Variants in PKD2L2 observed in about 807,000 individuals in gnomAD.
PKD2L2 encodes the protein polycystin 2 like 2, transient receptor potential cation channel.
A neutral mutation model predicts 83.9 loss-of-function variants in PKD2L2; 67 were observed. The observed-to-expected ratio is 0.80, with a 90% CI of 0.66 to 0.98. The LOEUF (loss-of-function observed/expected upper bound fraction) is 0.98. Among genes scored for constraint, PKD2L2 ranks in the 50% least tolerant of loss-of-function variants. The probability of loss-of-function intolerance (pLI) is 0.00; values close to 1 mark genes in which losing one functional copy is unlikely to be tolerated. For synonymous variants in PKD2L2, 223 were observed against 237.8 expected (o/e 0.94, Z 0.57); for missense variants, 632 against 717.2 (o/e 0.88, Z 1.36).
rs186387546 is a variant in PKD2L2, at chr5:137,934,994, G to A, written c.1672-803G>A. On this transcript the variant is annotated intron_variant, in intron 12 of 14. Coordinates refer to ENST00000508883, the MANE Select transcript of PKD2L2 (RefSeq NM_001300921.2). ...AGCAACCACAGAGTGTATGGCACTA[G>A]GCATCACCATCCTCTCTGAGGAAGG... Among the ~76,000 whole-genome samples, 4 of 152,300 alleles carry A rather than the reference G, an allele frequency of 2.6e-5. No homozygotes were observed. In the East Asian group the frequency reaches 7.7e-4, roughly 29 times the overall value.
intron 2 of PKD2L2, among the ~76,000 whole-genome samples, chr5:137,891,324 G>C (rs1206129257): frequency 6.6e-6 from 1 of 152,096 alleles, no homozygotes; most frequent in Non-Finnish European, 1.5e-5. Flanking sequence ...AAATTAGCCA[G>C]GTGTGGTGGC....
intron 4 of PKD2L2, among the ~76,000 whole-genome samples, chr5:137,897,828 T>A (rs2150006556): frequency 6.6e-6 from 1 of 152,254 alleles, no homozygotes; most frequent in South Asian, 2.1e-4. Flanking sequence ...GTAGAACAGG[T>A]TTAAGCAGTG....
At chr5:137,895,336 G>A (rs1375864232) in intron 4 of PKD2L2, among the ~76,000 whole-genome samples, 1 of 151,648 alleles carries the variant, frequency 6.6e-6, no homozygotes, top group Non-Finnish European at 1.5e-5. Context: ...GGTGTGGTGG[G>A]GCTTGCTTAC....
chr5:137,925,302 G>A (rs1370903286), intron 11 of PKD2L2, among the ~76,000 whole-genome samples, 198 bp downstream of exon 11: 1 of 152,142 alleles, frequency 6.6e-6, no homozygotes, highest in Admixed American at 6.6e-5. Flanking sequence ...GTGAGCCACC[G>A]TGCCTGGCCA....
intron 13 of PKD2L2, 77 bp from the exon 14 acceptor site, chr5:137,936,243 T>A: frequency 7.6e-7 from 1 of 1,312,672 alleles, no homozygotes. Context: ...TCCCAAAGCA[T>A]TTCGCACTAG....
intron 8 of PKD2L2, among the ~76,000 whole-genome samples, chr5:137,916,523 A>G (rs1370177418): frequency 1.6e-5 from 2 of 125,910 alleles, no homozygotes. Flanking sequence ...GCTTTCACTC[A>G]GGCTGGAGTA....
chr5:137,911,315 A>G (rs1307484290), intron 8 of PKD2L2, among the ~76,000 whole-genome samples: 1 of 152,196 alleles, frequency 6.6e-6, no homozygotes, highest in African/African-American at 2.4e-5. Context: ...TTCCTTAGAA[A>G]GGCTGAATAA....
intron 5 of PKD2L2, 87 bp from the exon 6 acceptor site, chr5:137,906,119 C>A: frequency 2.6e-6 from 2 of 757,872 alleles, no homozygotes; most frequent in Non-Finnish European, 4.5e-6. Flanking sequence ...TTAAAGCATA[C>A]ATAATCATTG....
chr5:137,925,769 G>A, intron 11 of PKD2L2, 106 bp from the exon 12 acceptor site: 1 of 574,340 alleles, frequency 1.7e-6, no homozygotes, highest in Non-Finnish European at 3.1e-6. Context: ...GCATTATCAG[G>A]AAGAAATATT....
chr5:137,921,721 A>C lies in PKD2L2; in HGVS notation c.1414A>C (p.Ile472Leu). The C allele has an allele frequency of 6.2e-7, 1 of 1,608,412 alleles. No homozygotes were observed. The highest frequency in any genetic ancestry group is 8.5e-7 in the Non-Finnish European group (1 of 1,176,006). Residue 472 changes from isoleucine to leucine, a missense_variant, in exon 9 of 15, where the codon ATC becomes CTC. By Grantham distance (5) the Ile-to-Leu change is conservative. Transcript: ENST00000508883. Reference protein sequence around the residue: ...ANPILGPIYFITFIFFVFFVL... With the variant: ...ANPILGPIYFLTFIFFVFFVL... The stretch of plus-strand genomic sequence containing the variant: ...TCCTATCTTGGGACCCATTTACTTC[A>C]TCACTTTCATCTTTTTTGTGTTCTT...
intron 12 of PKD2L2, among the ~76,000 whole-genome samples, chr5:137,929,549 A>AC (rs1381845963): frequency 6.8e-6 from 1 of 148,004 alleles, no homozygotes; most frequent in Non-Finnish European, 1.5e-5. Context: ...AAAAAAAAAA[A>AC]AAAAAAAAAA....
intron 8 of PKD2L2, among the ~76,000 whole-genome samples, chr5:137,914,878 A>G (rs1357374079): frequency 2.6e-5 from 4 of 152,000 alleles, no homozygotes; most frequent in African/African-American, 9.7e-5. Flanking sequence ...CTCTATTAAG[A>G]TAATCATATG....
At chr5:137,917,811 G>T (rs1758518708) in intron 8 of PKD2L2, among the ~76,000 whole-genome samples, 1 of 152,028 alleles carries the variant, frequency 6.6e-6, no homozygotes, top group Admixed American at 6.6e-5. Flanking sequence ...TCCATTGAAT[G>T]GCTCATATTT....
At chr5:137,912,345 C>G (rs932111749) in intron 8 of PKD2L2, among the ~76,000 whole-genome samples, 1 of 152,142 alleles carries the variant, frequency 6.6e-6, no homozygotes, top group Non-Finnish European at 1.5e-5. Context: ...GCCATTCTAA[C>G]AGGTGTGAGG....
In PKD2L2 at chr5:137,923,435, A is replaced by C; in HGVS notation, c.1465A>C (p.Ile489Leu). ...FFVLLNMFLA[I>L]INDTYSEVKA... ...TTATCCCTAGAATATGTTCTTGGCAATTATTAATGATACCTATTCTGAAGT... is the reference window on the plus strand; with the variant it reads ...TTATCCCTAGAATATGTTCTTGGCACTTATTAATGATACCTATTCTGAAGT... Residue 489 changes from isoleucine to leucine, a missense_variant, in exon 10 of 15, where the codon ATT (isoleucine) becomes CTT (leucine). Around this residue, in one of 3 missense-constraint regions of PKD2L2, gnomAD observed 399 missense variants for 416.9 expected, o/e 0.96. Coordinates refer to ENST00000508883, the MANE Select transcript of PKD2L2 (RefSeq NM_001300921.2). 6.8e-7 allele frequency: 1 copy of C among 1,460,390 alleles called. No homozygotes were observed. Among genetic ancestry groups the C allele is most frequent in the Non-Finnish European group, 9.6e-7 (1 of 1,041,196 alleles). 90.5% of individuals were successfully genotyped at this position (1,460,390 alleles called of 1,614,324 possible).
chr5:137,896,738 G>T (rs1219868615), intron 4 of PKD2L2, among the ~76,000 whole-genome samples: 1 of 151,794 alleles, frequency 6.6e-6, no homozygotes, highest in East Asian at 1.9e-4. Context: ...CTTGGAAGGT[G>T]ATGCGTCATA....
At chr5:137,918,844 C>CTTTTTTTTTTT (rs796480261) in intron 8 of PKD2L2, among the ~76,000 whole-genome samples, 1 of 144,620 alleles carries the variant, frequency 6.9e-6, no homozygotes, top group Non-Finnish European at 1.5e-5. Context: ...TTCCAAGAAT[C>CTTTTTTTTTTT]TTTTTTTTTT....
At chr5:137,913,322 T>A (rs1390832518) in intron 8 of PKD2L2, among the ~76,000 whole-genome samples, 1 of 150,924 alleles carries the variant, frequency 6.6e-6, no homozygotes, top group Non-Finnish European at 1.5e-5. Context: ...TAGCTGGGAC[T>A]ACAGGTGCAT....
intron 1 of PKD2L2, among the ~76,000 whole-genome samples, chr5:137,889,802 T>C (rs1330391318): frequency 1.3e-5 from 2 of 152,194 alleles, no homozygotes; most frequent in East Asian, 3.9e-4. Flanking sequence ...TCTAAAGTCC[T>C]TGGTTGATCT....
Sources: gnomAD v4.1 joint callset for allele counts (sites outside exome capture counted in the v4.1 genomes callset) on GRCh38, gnomAD v4.1.1 for gene constraint, gnomAD v4.1.1 regional missense constraint, MANE v1.5 for transcripts, NCBI Gene and HGNC (gene_info 2026-07-23, HGNC 2026-07-21) for gene names.